SV2B: variants seen among roughly 807,000 people sequenced by gnomAD.
SV2B encodes synaptic vesicle glycoprotein 2B, also known as solute carrier family 22 member B2.
A neutral mutation model predicts 73.9 loss-of-function variants in SV2B; 41 were observed. The ratio of observed to expected loss-of-function variants is 0.56; its 90% CI spans 0.43 to 0.72. The LOEUF is 0.72. SV2B is among the 30% of genes least tolerant of loss of function. The probability of loss-of-function intolerance (pLI) is 0.00; values close to 1 mark genes in which losing one functional copy is unlikely to be tolerated. For missense variants in SV2B, 764 were observed against 857.8 expected (o/e 0.89, Z 1.37); for synonymous variants, 314 against 314.2 (o/e 1.00, Z 0.01).
At chr15:91,174,971 T>C (rs547991309) in intron 1 of SV2B, among the ~76,000 whole-genome samples, 6 of 152,290 alleles carry the variant, frequency 3.9e-5, no homozygotes, top group Admixed American at 3.9e-4. Flanking sequence ...CACCATGAAG[T>C]TCTCCAAGAG....
In SV2B at chr15:91,242,071, C is replaced by T. The variant is rs1358296768; in HGVS notation, c.452-9748C>T. Among the ~76,000 whole-genome samples, 1 of 152,214 alleles carries T rather than the reference C, an allele frequency of 6.6e-6. No individual in the cohort carries two copies. The highest frequency in any genetic ancestry group is 2.4e-5 in the African/African-American group (1 of 41,454). On this transcript the variant is annotated intron_variant, in intron 2 of 12. Transcript: ENST00000394232. This position sits in a 1 kb window ranked among gnomAD's most constrained non-coding sequence, Gnocchi z 4.9. ...GCTCAGTTCAGCAGTCAGCTCTCAT[C>T]CTCAGCTTATTCACCTGTTCACAGC... is the stretch of plus-strand genomic sequence containing the variant.
Position 91,229,075 on chromosome 15 carries a change from C to T in SV2B, c.451+2361C>T, listed in dbSNP as rs1211088386. ...CATTCTGCCACACCATACTGCCTTT[C>T]TCTCACGCCTCGTTTGTGGGAAGGA... On this transcript the variant is annotated intron_variant, in intron 2 of 12. Transcript: ENST00000394232. This position sits in a 1 kb window ranked among gnomAD's most constrained non-coding sequence, Gnocchi z 4.3. Among the ~76,000 whole-genome samples the T allele has an allele frequency of 2.6e-5, 4 of 152,230 alleles. No individual in the cohort carries two copies. The highest frequency in any genetic ancestry group is 9.6e-5 in the African/African-American group (4 of 41,464).
At chr15:91,149,778 C>T (rs1262845037) in intron 1 of SV2B, among the ~76,000 whole-genome samples, 1 of 152,136 alleles carries the variant, frequency 6.6e-6, no homozygotes, top group Non-Finnish European at 1.5e-5. Flanking sequence ...GCATAGAACC[C>T]AGGGAAGCCT....
chr15:91,189,847 G>T (rs1383206888), intron 1 of SV2B, among the ~76,000 whole-genome samples: 1 of 152,176 alleles, frequency 6.6e-6, no homozygotes, highest in Non-Finnish European at 1.5e-5. Context: ...AATTAGTTGG[G>T]TGTAATGGCG....
intron 11 of SV2B, among the ~76,000 whole-genome samples, chr15:91,287,991 C>G (rs2048918216): frequency 6.6e-6 from 1 of 152,102 alleles, no homozygotes; most frequent in South Asian, 2.1e-4. Context: ...GGCCTTCTAC[C>G]CCCGGGGAGG....
At chr15:91,250,651 A>G (rs764298839) in intron 2 of SV2B, among the ~76,000 whole-genome samples, 22 of 152,216 alleles carry the variant, frequency 1.4e-4, no homozygotes, top group Non-Finnish European at 3.1e-4. Flanking sequence ...AAAAATAGTA[A>G]TGTTTCTATA....
chr15:91,165,240 A>T (rs1231264237), intron 1 of SV2B, among the ~76,000 whole-genome samples: 1 of 152,124 alleles, frequency 6.6e-6, no homozygotes, highest in Non-Finnish European at 1.5e-5. Context: ...GGAAGGCTAG[A>T]GAATCACTTG....
At chr15:91,255,757 G>A (rs544621483) in intron 4 of SV2B, among the ~76,000 whole-genome samples, 92 of 152,212 alleles carry the variant, frequency 6.0e-4, no homozygotes, top group African/African-American at 2.0e-3. Context: ...TGAAACAGGC[G>A]TTCACTTGGG....
intron 2 of SV2B, among the ~76,000 whole-genome samples, chr15:91,228,405 C>T (rs754717362): frequency 7.9e-5 from 12 of 152,008 alleles, no homozygotes; most frequent in Admixed American, 7.2e-4. Flanking sequence ...AAGCAACCAA[C>T]AAACAACCAA....
At chr15:91,237,106 C>T (rs544866422) in intron 2 of SV2B, among the ~76,000 whole-genome samples, 1 of 152,084 alleles carries the variant, frequency 6.6e-6, no homozygotes, top group African/African-American at 2.4e-5. Context: ...GAAATAGACT[C>T]CATCTTCTAA....
rs977277959 is a variant in SV2B at position 91,301,700 on chromosome 15, A to C, written c.*9148A>C. The stretch of plus-strand genomic sequence containing the variant: ...CTACAGACTGAGTATTCCTTATCCC[A>C]AATGTTTGGGACCAGAAGTGTTCTG... On this transcript the variant is annotated 3_prime_UTR_variant, in exon 13 of 13. Coordinates refer to ENST00000394232, the MANE Select transcript of SV2B (RefSeq NM_001323032.3). This position sits in a 1 kb window ranked among gnomAD's most constrained non-coding sequence, Gnocchi z 4.3. Among the ~76,000 whole-genome samples the C allele has an allele frequency of 1.3e-5, 2 of 152,194 alleles. No individual in the cohort carries two copies. The highest frequency in any genetic ancestry group is 2.9e-5 in the Non-Finnish European group (2 of 68,034).
At chr15:91,107,502 G>A (rs12372945) in intron 1 of SV2B, among the ~76,000 whole-genome samples, 45,206 of 151,586 alleles carry the variant, frequency 0.3, 8,813 homozygotes, top group Non-Finnish European at 0.43. Context: ...TAGTAGAGAC[G>A]GGGTTTTACC....
At chr15:91,248,925 C>T (rs964859175) in intron 2 of SV2B, among the ~76,000 whole-genome samples, 1 of 152,112 alleles carries the variant, frequency 6.6e-6, no homozygotes, top group Non-Finnish European at 1.5e-5. Flanking sequence ...GGTGTGGAGA[C>T]TAGTTCTCAG....
chr15:91,226,395 G>T lies in SV2B; in HGVS notation c.132G>T (p.Glu44Asp). 1 of 1,614,192 alleles carries T rather than the reference G, an allele frequency of 6.2e-7. No individual in the cohort carries two copies. Among genetic ancestry groups the T allele is most frequent in the Non-Finnish European group, 8.5e-7 (1 of 1,180,030 alleles). ...DVTEGHDEED[E>D]IYEGEYQGIP... ...CCGAAGGCCATGATGAGGAAGACGA[G>T]ATCTATGAGGGCGAGTACCAGGGTA... Residue 44 changes from glutamate to aspartate, a missense_variant, in exon 2 of 13, where the codon GAG becomes GAT. By Grantham distance (45) the Glu-to-Asp change is conservative. Coordinates refer to ENST00000394232, the MANE Select transcript of SV2B (RefSeq NM_001323032.3).
rs921845927 is a variant in SV2B, at chr15:91,294,009, A to G, written c.*1457A>G. On this transcript the variant is annotated 3_prime_UTR_variant, in exon 13 of 13. Transcript: ENST00000394232. This position sits in a 1 kb window ranked among gnomAD's most constrained non-coding sequence, Gnocchi z 4.1. The stretch of plus-strand genomic sequence containing the variant: ...GGAAAAACATCAGAACTGTCTGACA[A>G]TGGAGGGGACAGTGAGCTACGCACA... 2.0e-5 allele frequency: 3 copies of G among 152,224 alleles called. No homozygotes were observed. The highest frequency in any genetic ancestry group is 4.8e-5 in the African/African-American group (2 of 41,454). The allele number at this position is 152,224 out of a possible 1,614,324, so 9.4% of individuals were successfully genotyped here.
chr15:91,246,085 C>CAAA, intron 2 of SV2B, among the ~76,000 whole-genome samples: 1 of 148,256 alleles, frequency 6.7e-6, no homozygotes, highest in African/African-American at 2.5e-5. Flanking sequence ...AAAAAAAAAT[C>CAAA]CCCCCTTCAA....
rs191846511 is a variant in SV2B, at chr15:91,277,858, T to C, written c.1374-3870T>C. ...ATCCTTATTATTTCCCTTTTTGTTC[T>C]ATGTTCTATGCTTCAGTTATCGTTC... On this transcript the variant is annotated intron_variant, in intron 9 of 12. Coordinates refer to ENST00000394232, the MANE Select transcript of SV2B (RefSeq NM_001323032.3). Among the ~76,000 whole-genome samples, 44 of 152,360 alleles carry C rather than the reference T, an allele frequency of 2.9e-4. No individual in the cohort carries two copies. In the East Asian group the frequency reaches 4.8e-3, roughly 17 times the overall value.
intron 1 of SV2B, among the ~76,000 whole-genome samples, chr15:91,187,770 C>G (rs997199812): frequency 2.0e-5 from 3 of 150,822 alleles, no homozygotes; most frequent in African/African-American, 7.4e-5. Flanking sequence ...GAATATTTTT[C>G]TATATTCATT....
At chr15:91,143,298 G>C (rs1567286905) in intron 1 of SV2B, among the ~76,000 whole-genome samples, 1 of 152,150 alleles carries the variant, frequency 6.6e-6, no homozygotes, top group African/African-American at 2.4e-5. Context: ...AGTATGTCTA[G>C]AACGGCTCAG....
Sources: allele counts gnomAD v4.1 joint callset (sites outside exome capture counted in the v4.1 genomes callset), GRCh38; gene constraint gnomAD v4.1.1; non-coding constraint Gnocchi (gnomAD v3.1); transcripts MANE v1.5; gene names NCBI Gene and HGNC (gene_info 2026-07-23, HGNC 2026-07-21).